SPRY3: variants seen among roughly 807,000 people sequenced by gnomAD.
SPRY3 encodes sprouty RTK signaling antagonist 3.
Under a neutral mutation model 20.2 loss-of-function variants are expected in SPRY3, and 15 were observed. That is an observed-to-expected ratio of 0.74 (90% CI 0.50 to 1.14). The LOEUF (loss-of-function observed/expected upper bound fraction) is 1.14, where lower values mean the gene tolerates loss of function less well. Among genes scored for constraint, SPRY3 ranks in the 50% most tolerant of loss-of-function variants. The pLI, the probability that SPRY3 is intolerant of heterozygous loss-of-function variation, is 0.00. For missense variants in SPRY3, 364 were observed against 363.9 expected (o/e 1.00, Z 0.00); for synonymous variants, 143 against 136.5 (o/e 1.05, Z -0.33).
intron 2 of SPRY3, among the ~76,000 whole-genome samples, chrX:155,671,928 C>G (rs961692111): frequency 9.0e-6 from 1 of 111,179 alleles, no homozygotes; most frequent in Non-Finnish European, 1.9e-5. Context: ...GCTTGTTTTT[C>G]TCAGGTTTGT....
At chrX:155,636,781 T>C (rs2067924999) in intron 1 of SPRY3, among the ~76,000 whole-genome samples, 1 of 110,193 alleles carries the variant, frequency 9.1e-6, no homozygotes, top group Non-Finnish European at 1.9e-5. Flanking sequence ...CAGAGGCAAA[T>C]ACAGTAACTA....
intron 2 of SPRY3, among the ~76,000 whole-genome samples, chrX:155,751,924 G>GAAATAATA (rs1322864181): frequency 1.1e-4 from 13 of 121,662 alleles, no homozygotes; most frequent in Non-Finnish European, 1.9e-4. Flanking sequence ...CAAGGGAAGG[G>GAAATAATA]AAATAAAATA....
chrX:155,727,915 G>T (rs2091109213), intron 2 of SPRY3, among the ~76,000 whole-genome samples: 1 of 152,128 alleles, frequency 6.6e-6, no homozygotes. Context: ...TTTCTGCTCT[G>T]GTTTCTCCCC....
At chrX:155,756,327 T>C (rs999171717) in intron 2 of SPRY3, among the ~76,000 whole-genome samples, 5 of 152,064 alleles carry the variant, frequency 3.3e-5, no homozygotes, top group African/African-American at 1.2e-4. Flanking sequence ...GTGAAGTATA[T>C]GTTGGTGTGT....
At chrX:155,729,478 A>T (rs2091119272) in intron 2 of SPRY3, among the ~76,000 whole-genome samples, 1 of 152,156 alleles carries the variant, frequency 6.6e-6, no homozygotes, top group South Asian at 2.1e-4. Flanking sequence ...GTCAATGAAG[A>T]AATTAAGAAG....
rs748440785 is a variant in SPRY3 at position 155,773,927 on chromosome X, G to A, written c.56G>A (p.Arg19His). The change falls in exon 4 of 4, where the codon CGC (arginine) becomes CAC (histidine). Residue 19 changes from arginine (R) to histidine (H), a missense_variant. Transcript: ENST00000675360. ...CAAATTCTGCCTATTGAACAGCTGC[G>A]CTCTACTCATGCTAGCAATGACTAC... 54 of 1,613,804 alleles carry A rather than the reference G, an allele frequency of 3.3e-5. No homozygotes were observed. The East Asian group carries it at 9.1e-4, about 27-fold the overall frequency.
rs774160761 is a variant in SPRY3 at position 155,715,843 on chromosome X, G to A, written c.-281-52119G>A. On this transcript the variant is annotated intron_variant, in intron 2 of 3. Transcript: ENST00000675360. ...TGTCTTTATTCTCCATTGTGACAGG[G>A]CAGCACTGAGTTTAATGTAAATTCC... 1.5e-3 allele frequency among the ~76,000 whole-genome samples: 232 copies of A among 152,268 alleles called. No homozygotes were observed. In the South Asian group the frequency reaches 0.044, roughly 29 times the overall value.
chrX:155,755,152 TTA>T (rs1401623879), intron 2 of SPRY3, among the ~76,000 whole-genome samples: 1 of 141,688 alleles, frequency 7.1e-6, no homozygotes, highest in Admixed American at 6.9e-5. Flanking sequence ...AGTAATGAGA[TTA>T]CTAGTGCCTA....
intron 1 of SPRY3, among the ~76,000 whole-genome samples, chrX:155,628,929 T>C (rs1271102157): frequency 6.2e-5 from 7 of 112,125 alleles, no homozygotes; most frequent in African/African-American, 2.3e-4. Context: ...GTTGACCATT[T>C]GTATGTCTTT....
intron 2 of SPRY3, among the ~76,000 whole-genome samples, chrX:155,729,536 T>C (rs1471583248): frequency 6.6e-6 from 1 of 151,978 alleles, no homozygotes; most frequent in African/African-American, 2.4e-5. Context: ...ACACAACATA[T>C]GAAAACCTAT....
chrX:155,727,207 C>T (rs1384134350), intron 2 of SPRY3, among the ~76,000 whole-genome samples: 1 of 152,128 alleles, frequency 6.6e-6, no homozygotes, highest in Non-Finnish European at 1.5e-5. Context: ...TGTGGGTAAC[C>T]CAACCTTTCT....
intron 2 of SPRY3, among the ~76,000 whole-genome samples, chrX:155,710,151 T>C (rs760073111): frequency 4.3e-4 from 65 of 151,950 alleles, no homozygotes; most frequent in African/African-American, 1.5e-3. Context: ...TTGGGTCTTT[T>C]GTGGTTCTAT....
intron 2 of SPRY3, among the ~76,000 whole-genome samples, chrX:155,725,095 G>C (rs984081612): frequency 4.6e-5 from 7 of 152,216 alleles, no homozygotes; most frequent in African/African-American, 1.4e-4. Flanking sequence ...TTTTGTCATT[G>C]GTTCCATTTA....
intron 2 of SPRY3, among the ~76,000 whole-genome samples, chrX:155,743,548 C>T (rs1422946157): frequency 3.3e-5 from 5 of 152,100 alleles, no homozygotes; most frequent in Non-Finnish European, 7.4e-5. Flanking sequence ...CTTAGTAACA[C>T]TGTGAGGGTA....
intron 2 of SPRY3, among the ~76,000 whole-genome samples, chrX:155,699,666 C>T (rs1373413968): frequency 3.6e-5 from 4 of 111,144 alleles, no homozygotes; most frequent in Non-Finnish European, 7.5e-5. Context: ...TTGATGAACA[C>T]TTATTGCCTC....
At chrX:155,712,163 C>G (rs1389010850) in intron 2 of SPRY3, among the ~76,000 whole-genome samples, 1 of 151,798 alleles carries the variant, frequency 6.6e-6, no homozygotes, top group Admixed American at 6.6e-5. Flanking sequence ...AATGTGCATC[C>G]TGCAGTTGTT....
At chrX:155,627,776 C>A (rs1302136032) in intron 1 of SPRY3, among the ~76,000 whole-genome samples, 1 of 109,707 alleles carries the variant, frequency 9.1e-6, no homozygotes, top group Non-Finnish European at 1.9e-5. Context: ...AGGTATTAAG[C>A]CCCACATGTA....
intron 2 of SPRY3, among the ~76,000 whole-genome samples, chrX:155,743,671 A>G (rs1396179694): frequency 2.0e-5 from 3 of 152,240 alleles, no homozygotes; most frequent in Middle Eastern, 3.4e-3. Context: ...TTGGGGGGTA[A>G]ATTTTAAACA....
intron 2 of SPRY3, among the ~76,000 whole-genome samples, chrX:155,672,599 A>G (rs1339789820): frequency 9.1e-6 from 1 of 109,295 alleles, no homozygotes; most frequent in Non-Finnish European, 1.9e-5. Context: ...AAATAGGAAC[A>G]CTTTTACACT....
Sources: allele counts gnomAD v4.1 joint callset (sites outside exome capture counted in the v4.1 genomes callset), GRCh38; gene constraint gnomAD v4.1.1; transcripts MANE v1.5; gene names NCBI Gene and HGNC (gene_info 2026-07-23, HGNC 2026-07-21).